The following PRAMEF11 variants were observed in gnomAD, a reference collection of about 807,000 sequenced individuals.
PRAMEF11 encodes the protein PRAME family member 11.
Under a neutral mutation model 33.6 loss-of-function variants are expected in PRAMEF11, and 17 were observed. That is an observed-to-expected ratio of 0.51 (90% CI 0.35 to 0.76). The LOEUF (loss-of-function observed/expected upper bound fraction) is 0.76. PRAMEF11 is among the 30% of genes least tolerant of loss of function. The pLI is 0.01. For synonymous variants in PRAMEF11, 205 were observed against 227.3 expected, an observed-to-expected ratio of 0.90 and a Z score of 0.88; for missense variants, 568 against 567.0, an observed-to-expected ratio of 1.00 and a Z score of -0.02.
At chr1:12,830,204 A>T (rs1228319584) in intron 1 of PRAMEF11, among the ~76,000 whole-genome samples, 1 of 151,442 alleles carries the variant, frequency 6.6e-6, no homozygotes, top group Non-Finnish European at 1.5e-5. Context: ...TCAGAGTTAA[A>T]ACAGTTTTCA....
rs572935177 is a variant in PRAMEF11 at position 12,824,661 on chromosome 1, G to A, written c.*281C>T. 1 of 446,562 alleles carries A rather than the reference G, an allele frequency of 2.2e-6. No individual in the cohort carries two copies. Among genetic ancestry groups the A allele is most frequent in the South Asian group, 2.6e-5 (1 of 37,948 alleles). The allele number at this position is 446,562 out of a possible 1,614,324, so 27.7% of individuals were successfully genotyped here. ...TGTTTCTTTACAACCATCCATGCAA[G>A]AGTAACTCCCTCATGTATTCTCAAG... On this transcript the variant is annotated 3_prime_UTR_variant, in exon 4 of 4. Coordinates refer to ENST00000619922, the MANE Select transcript of PRAMEF11 (RefSeq NM_001146344.3).
rs763469738 is a variant in PRAMEF11, at chr1:12,828,726, C to A, written c.64G>T (p.Asp22Tyr). ...LELAGRSLLR[D>Y]QALAVSTLEE... ...AGGGTGGAGACGGCCAAGGCTTGGT[C>A]CCTCAGCAGGCTCCGCCCCGCAAGC... Residue 22 changes from aspartate to tyrosine, a missense_variant, in exon 2 of 4, where the codon GAC becomes TAC. Physicochemically the swap from Asp to Tyr is radical, Grantham distance 160. Transcript: ENST00000619922. The A allele has an allele frequency of 6.2e-7, 1 of 1,610,246 alleles. No homozygotes were observed. Among genetic ancestry groups the A allele is most frequent in the Non-Finnish European group, 8.5e-7 (1 of 1,178,020 alleles).
In PRAMEF11 at chr1:12,824,887, G is replaced by C. The variant is rs1031422482; in HGVS notation, c.*55C>G. 37 of 1,598,632 alleles carry C rather than the reference G, an allele frequency of 2.3e-5. 2 individuals are homozygous for C. In the African/African-American group the frequency reaches 4.5e-4, roughly 19 times the overall value. ...GGATGTACCTAAGACCTAGGTTTTA[G>C]TTTCCAAGTGTCCAGAAGAAAGCGT... On this transcript the variant is annotated 3_prime_UTR_variant, in exon 4 of 4. Coordinates refer to ENST00000619922, the MANE Select transcript of PRAMEF11 (RefSeq NM_001146344.3).
chr1:12,828,045 G>T (rs1434552060), intron 2 of PRAMEF11, among the ~76,000 whole-genome samples: 4 of 149,788 alleles, frequency 2.7e-5, no homozygotes, highest in African/African-American at 9.8e-5. Flanking sequence ...GAGTGCAGTG[G>T]TGTGATGTCA....
chr1:12,830,544 G>C (rs112753408), intron 1 of PRAMEF11, among the ~76,000 whole-genome samples: 2 of 151,146 alleles, frequency 1.3e-5, no homozygotes, highest in South Asian at 2.1e-4. Context: ...TGGACAGGGT[G>C]TCTCTCTTTT....
In PRAMEF11 at chr1:12,826,006, C is replaced by G. The variant is rs28376732; in HGVS notation, c.876-503G>C. ...AAAAGGAGAAAAAATAATTCCATTT[C>G]AGGCTGAGTCATTTCACCATCATTT... On this transcript the variant is annotated intron_variant, in intron 3 of 3. Coordinates refer to ENST00000619922, the MANE Select transcript of PRAMEF11 (RefSeq NM_001146344.3). Among the ~76,000 whole-genome samples, 166 of 148,924 alleles carry G rather than the reference C, an allele frequency of 1.1e-3. 1 individual carries two copies. The highest frequency in any genetic ancestry group is 0.011 in the South Asian group (47 of 4,470).
In PRAMEF11 at chr1:12,825,034, G is replaced by T. The variant is rs756982640; in HGVS notation, c.1345C>A (p.His449Asn). The change falls in exon 4 of 4, where the codon CAC (histidine) becomes AAC (asparagine). Residue 449 changes from histidine (H) to asparagine (N), a missense_variant. Physicochemically the swap from His to Asn is moderately conservative, Grantham distance 68 (BLOSUM62 1). Coordinates refer to ENST00000619922, the MANE Select transcript of PRAMEF11 (RefSeq NM_001146344.3). ...ELMKKVRHLRHPKRILFCTDN... is the reference protein window; with the variant it reads ...ELMKKVRHLRNPKRILFCTDN... ...GTACAGAACAAGATCCTCTTGGGGT[G>T]CCTTAAGTGCCTCACTTTCTTCATC... 2.5e-6 allele frequency: 4 copies of T among 1,609,818 alleles called. No homozygotes were observed. Among genetic ancestry groups the T allele is most frequent in the Admixed American group, 1.7e-5 (1 of 59,636 alleles).
At chr1:12,826,634 C>T (rs574620477) in intron 3 of PRAMEF11, among the ~76,000 whole-genome samples, 10 of 151,018 alleles carry the variant, frequency 6.6e-5, no homozygotes, top group Admixed American at 2.0e-4. Flanking sequence ...TGGTGGCCCA[C>T]GCCTGTAATC....
rs1270786507 is a variant in PRAMEF11, at chr1:12,830,250, G to C, written c.-17+1106C>G. ...TGACAGTCCCTAAGAAAACACAGTA[G>C]AAATCTTCATATATCCAAAGATCAC... is the stretch of plus-strand genomic sequence containing the variant. On this transcript the variant is annotated intron_variant, in intron 1 of 3. Transcript: ENST00000619922. Among the ~76,000 whole-genome samples the C allele has an allele frequency of 1.3e-5, 2 of 151,390 alleles. 1 individual carries two copies.
chr1:12,824,677 T>C lies in PRAMEF11; in HGVS notation c.*265A>G. The C allele has an allele frequency of 2.0e-6, 1 of 491,742 alleles. No individual in the cohort carries two copies. The highest frequency in any genetic ancestry group is 3.7e-6 in the Non-Finnish European group (1 of 273,782). 30.5% of individuals were successfully genotyped at this position (491,742 alleles called of 1,614,324 possible). A position where few individuals can be genotyped will look rare whatever the true frequency, so the allele number is the denominator to read the frequency against. ...TCCATGCAAGAGTAACTCCCTCATG[T>C]ATTCTCAAGCCTGAATTCCACTCTA... On this transcript the variant is annotated 3_prime_UTR_variant, in exon 4 of 4. Transcript: ENST00000619922.
In PRAMEF11 at chr1:12,825,371, G is replaced by T. The variant is rs201365530; in HGVS notation, c.1008C>A (p.Thr336=). 14 of 1,523,748 alleles carry T rather than the reference G, an allele frequency of 9.2e-6. 1 individual carries two copies. In the East Asian group the frequency reaches 1.6e-4, roughly 18 times the overall value. 94.4% of individuals were successfully genotyped at this position (1,523,748 alleles called of 1,614,324 possible). The change falls in exon 4 of 4, where the codon ACC becomes ACA. Residue 336 remains threonine (T), a synonymous_variant. Coordinates refer to ENST00000619922, the MANE Select transcript of PRAMEF11 (RefSeq NM_001146344.3). ...KTLDLSGIRL[T]NYSLVPLQIL... ...TTTGGAGAGGCACAAGACTGTAATT[G>T]GTCAGTCTGATGCCACTCAGGTCCA...
chr1:12,829,446 G>T (rs183606701), intron 1 of PRAMEF11, among the ~76,000 whole-genome samples: 2,012 of 150,408 alleles, frequency 0.013, 75 homozygotes, highest in African/African-American at 0.045. Context: ...CTGTCACCCA[G>T]CCTGGAGTGT....
Position 12,825,008 on chromosome 1 carries a change from A to C in PRAMEF11, c.1371T>G (p.Thr457=). ...TGTCGCCATGGTCAGGGCAGTTGTC[A>C]GTACAGAACAAGATCCTCTTGGGGT... ...LRHPKRILFC[T]DNCPDHGDRS... The change falls in exon 4 of 4, where the codon ACT becomes ACG. Residue 457 remains threonine, a synonymous_variant. Transcript: ENST00000619922. 1 of 1,609,868 alleles carries C rather than the reference A, an allele frequency of 6.2e-7. No homozygotes were observed. Among genetic ancestry groups the C allele is most frequent in the South Asian group, 1.1e-5 (1 of 90,476 alleles).
At chr1:12,827,012 G>A (rs1639883143) in intron 3 of PRAMEF11, among the ~76,000 whole-genome samples, 1 of 151,134 alleles carries the variant, frequency 6.6e-6, no homozygotes, top group African/African-American at 2.4e-5. Context: ...CCAGTAGCTA[G>A]CTTCCTAGCA....
chr1:12,826,205 A>G lies in PRAMEF11; in HGVS notation c.876-702T>C, dbSNP rs4989857. Reference sequence around the variant, plus strand: ...GGCAGGCTGCAGGCGTCCCTGACACACCTGTATCATCAGCAAACCATCTAT... The same window carrying G: ...GGCAGGCTGCAGGCGTCCCTGACACGCCTGTATCATCAGCAAACCATCTAT... On this transcript the variant is annotated intron_variant, in intron 3 of 3. Transcript: ENST00000619922. 4.4e-4 allele frequency among the ~76,000 whole-genome samples: 66 copies of G among 151,140 alleles called. 1 individual carries two copies. Among genetic ancestry groups the G allele is most frequent in the Admixed American group, 1.2e-3 (18 of 15,068 alleles).
intron 1 of PRAMEF11, among the ~76,000 whole-genome samples, chr1:12,830,455 T>G (rs1303916417): frequency 6.6e-6 from 1 of 151,350 alleles, no homozygotes; most frequent in Non-Finnish European, 1.5e-5. Flanking sequence ...CAGCCATGTC[T>G]CCATTTGGGT....
chr1:12,830,560 G>C (rs1023674593), intron 1 of PRAMEF11, among the ~76,000 whole-genome samples: 3 of 151,036 alleles, frequency 2.0e-5, no homozygotes, highest in African/African-American at 7.3e-5. Context: ...CTTTTGCCCA[G>C]GCTGGAGTAC....
At position 12,827,612 on chromosome 1, in the gene PRAMEF11, A is replaced by T; in HGVS notation, c.512T>A (p.Leu171Gln). 1.2e-6 allele frequency: 2 copies of T among 1,609,534 alleles called. No homozygotes were observed. The highest frequency in any genetic ancestry group is 1.7e-6 in the Non-Finnish European group (2 of 1,177,660). Residue 171 changes from leucine to glutamine, a missense_variant, in exon 3 of 4, where the codon CTA becomes CAA. This residue lies in a region of PRAMEF11 where 342 missense variants were observed against 312.0 expected (regional missense o/e 1.10). Transcript: ENST00000619922. The part of the protein sequence containing the change: ...TLDEYLTCLL[L>Q]WVKQRRDLLH... ...TAAATCTCTCCTCTGCTTGACCCAT[A>T]GAAGGAGGCAGGTGAGGTATTCATC...
At position 12,827,460 on chromosome 1, in the gene PRAMEF11, T is replaced by G. The variant is rs757059836; in HGVS notation, c.664A>C (p.Ile222Leu). ...AGGTATGGGGTAAACTGTGTCAGGA[T>G]GGGCAGTATCCACTTGCAATTCACT... ...VEVNCKWILP[I>L]LTQFTPYLGH... The change falls in exon 3 of 4, where the codon ATC becomes CTC. Residue 222 changes from isoleucine to leucine, a missense_variant. Around this residue, in one of 3 missense-constraint regions of PRAMEF11, gnomAD observed 342 missense variants for 312.0 expected, o/e 1.10. Coordinates refer to ENST00000619922, the MANE Select transcript of PRAMEF11 (RefSeq NM_001146344.3). 4.2e-5 allele frequency: 68 copies of G among 1,610,718 alleles called. No homozygotes were observed. The highest frequency in any genetic ancestry group is 5.5e-5 in the Non-Finnish European group (65 of 1,179,264).
Sources: gnomAD v4.1 joint callset for allele counts (sites outside exome capture counted in the v4.1 genomes callset) on GRCh38, gnomAD v4.1.1 for gene constraint, gnomAD v4.1.1 regional missense constraint, MANE v1.5 for transcripts, NCBI Gene and HGNC (gene_info 2026-07-23, HGNC 2026-07-21) for gene names.